Variants in MFSD12 observed in about 807,000 individuals in gnomAD.
MFSD12 encodes major facilitator superfamily domain containing 12.
A neutral mutation model predicts 51.2 loss-of-function variants in MFSD12; 67 were observed. The ratio of observed to expected loss-of-function variants is 1.31; its 90% confidence interval spans 1.08 to 1.60. The LOEUF (loss-of-function observed/expected upper bound fraction) is 1.60. MFSD12 is among the 40% of genes most tolerant of loss of function. The pLI, the probability that MFSD12 is intolerant of heterozygous loss-of-function variation, is 0.00. For synonymous variants in MFSD12, 441 were observed against 316.7 expected (o/e 1.39, Z -4.17); for missense variants, 921 against 673.0 (o/e 1.37, Z -4.08).
chr19:3,544,759 TAGAG>T, intron 9 of MFSD12, 27 bp from the exon 10 acceptor site: 4 of 1,601,088 alleles, frequency 2.5e-6, no homozygotes, highest in African/African-American at 1.4e-5. Context: ...GAAATGGCAT[TAGAG>T]AGTGTGGGTC....
intron 1 of MFSD12, among the ~76,000 whole-genome samples, chr19:3,553,535 G>A (rs1362754301): frequency 1.3e-5 from 2 of 151,238 alleles, no homozygotes; most frequent in Non-Finnish European, 1.5e-5. Context: ...TTGGGAGACC[G>A]AGGCGGGTGG....
intron 8 of MFSD12, among the ~76,000 whole-genome samples, chr19:3,545,775 C>G (rs76486725): frequency 0.021 from 3,256 of 152,322 alleles, 109 homozygotes; most frequent in South Asian, 0.11. Flanking sequence ...ATGTCTGAAC[C>G]CTGAGTTCTG....
downstream of MFSD12, chr19:3,544,115 G>C (rs1054969847): frequency 3.0e-5 from 43 of 1,419,002 alleles, no homozygotes; most frequent in Non-Finnish European, 3.7e-5. Flanking sequence ...CACTGGGCTC[G>C]CTGGCCGCCC....
chr19:3,542,551 G>A (rs2030502632), downstream of MFSD12: 2 of 854,432 alleles, frequency 2.3e-6, no homozygotes, highest in Non-Finnish European at 1.4e-6. Flanking sequence ...TCAGCTTACT[G>A]CAAACTCCAC....
intron 4 of MFSD12, 50 bp downstream of exon 4, chr19:3,547,798 T>C: frequency 6.9e-7 from 1 of 1,457,092 alleles, no homozygotes; most frequent in Middle Eastern, 2.3e-4. Flanking sequence ...GCAAAGGCCC[T>C]GTGGGTGGGA....
downstream of MFSD12, chr19:3,543,648 G>T (rs1370061033): frequency 6.5e-7 from 1 of 1,543,582 alleles, no homozygotes; most frequent in Admixed American, 2.0e-5. Flanking sequence ...AGCGCGCTGT[G>T]GAAAGACAGG....
At chr19:3,545,073 C>G (rs1233142945) in intron 8 of MFSD12, 134 bp from the exon 9 acceptor site, 2 of 1,169,708 alleles carry the variant, frequency 1.7e-6, no homozygotes, top group East Asian at 2.6e-5. Flanking sequence ...CCCTGCCACT[C>G]CCTCCCTCCT....
At chr19:3,540,289 A>T (rs8105403), downstream of MFSD12, among the ~76,000 whole-genome samples, 2 of 147,640 alleles carry the variant, frequency 1.4e-5, no homozygotes, top group Non-Finnish European at 1.5e-5. Flanking sequence ...ACGGAGTCTC[A>T]CTCTTGTCGC....
At chr19:3,554,027 A>G (rs1240068887) in intron 1 of MFSD12, among the ~76,000 whole-genome samples, 1 of 151,978 alleles carries the variant, frequency 6.6e-6, no homozygotes, top group Non-Finnish European at 1.5e-5. Context: ...GGTTGCAGTG[A>G]GCTGAGATCA....
At chr19:3,543,220 CCTGCCCA>C (rs1287540074), downstream of MFSD12, 3 of 1,539,472 alleles carry the variant, frequency 1.9e-6, no homozygotes, top group African/African-American at 4.1e-5. Flanking sequence ...GTCTCTGCCC[CCTGCCCA>C]CCCTCAGCGA....
chr19:3,549,723 C>CAA (rs5826823), intron 2 of MFSD12, among the ~76,000 whole-genome samples: 2,460 of 87,348 alleles, frequency 0.028, 191 homozygotes, highest in East Asian at 0.25. Context: ...ACTCTTGTCT[C>CAA]AAAAAAAAAA....
Position 3,557,106 on chromosome 19 carries a change from C to A in MFSD12, c.298G>T (p.Gly100Cys). The A allele has an allele frequency of 1.4e-6, 2 of 1,469,746 alleles. No individual in the cohort carries two copies. Among genetic ancestry groups the A allele is most frequent in the Non-Finnish European group, 1.8e-6 (2 of 1,116,012 alleles). 91.0% of individuals were successfully genotyped at this position (1,469,746 alleles called of 1,614,324 possible). Residue 100 changes from glycine (G) to cysteine (C), a missense_variant and splice_region_variant, in exon 1 of 10, where the codon GGC (glycine) becomes TGC (cysteine). By Grantham distance (159) the Gly-to-Cys change is radical. Coordinates refer to ENST00000355415, the MANE Select transcript of MFSD12 (RefSeq NM_174983.5). The part of the protein sequence containing the change: ...YGPRKAWHLV[G>C]TVCVLLSFPF... ...CAGGTGGCGGGGCCGGGACGCTTAC[C>A]GACCAGGTGCCAGGCCTTGCGCGGG...
chr19:3,545,630 G>A (rs17674491), intron 8 of MFSD12, among the ~76,000 whole-genome samples: 41,991 of 152,148 alleles, frequency 0.28, 8,016 homozygotes, highest in East Asian at 0.82. Context: ...CACCACCCAC[G>A]CCGGTACCAA....
chr19:3,539,331 GGT>G, downstream of MFSD12: 1 of 958,170 alleles, frequency 1.0e-6, no homozygotes, highest in Non-Finnish European at 1.6e-6. Flanking sequence ...CAGGTTACAT[GGT>G]GTTTGGTTTG....
downstream of MFSD12, chr19:3,541,634 C>G (rs2030426210): frequency 4.1e-6 from 4 of 984,870 alleles, no homozygotes; most frequent in South Asian, 1.9e-4. Flanking sequence ...GACCCTATTT[C>G]TATTTTTTAA....
intron 6 of MFSD12, among the ~76,000 whole-genome samples, chr19:3,546,665 T>C (rs2031085911): frequency 6.6e-6 from 1 of 152,144 alleles, no homozygotes; most frequent in African/African-American, 2.4e-5. Flanking sequence ...TGAGCGCAGG[T>C]CAGTTACAAC....
downstream of MFSD12, chr19:3,543,677 T>C (rs779213109): frequency 7.8e-6 from 12 of 1,536,066 alleles, no homozygotes; most frequent in South Asian, 9.8e-5. Context: ...GGGCAAGGAA[T>C]ACGGTGAGGC....
rs1001138191 is a variant in MFSD12 at position 3,544,429 on chromosome 19, A to G, written c.*281T>C. 1 of 1,325,486 alleles carries G rather than the reference A, an allele frequency of 7.5e-7. No individual in the cohort carries two copies. The highest frequency in any genetic ancestry group is 9.6e-7 in the Non-Finnish European group (1 of 1,039,690). 82.1% of individuals were successfully genotyped at this position (1,325,486 alleles called of 1,614,324 possible). A position where few individuals can be genotyped will look rare whatever the true frequency, so the allele number is the denominator to read the frequency against. ...TCCCCCAGACCCTTCTGGGATTCCT[A>G]CTTCCTGTTCCCTGCCGAGAGGGGC... On this transcript the variant is annotated 3_prime_UTR_variant, in exon 10 of 10. Coordinates refer to ENST00000355415, the MANE Select transcript of MFSD12 (RefSeq NM_174983.5).
In MFSD12 at chr19:3,544,874, C is replaced by T. The variant is rs1454571393; in HGVS notation, c.1355G>A (p.Gly452Asp). 16 of 1,611,330 alleles carry T rather than the reference C, an allele frequency of 9.9e-6. No individual in the cohort carries two copies. Among genetic ancestry groups the T allele is most frequent in the African/African-American group, 2.7e-5 (2 of 74,882 alleles). Residue 452 changes from glycine to aspartate, a missense_variant, in exon 9 of 10, where the codon GGC becomes GAC. Gly to Asp is a moderately conservative substitution (Grantham distance 94). Coordinates refer to ENST00000355415, the MANE Select transcript of MFSD12 (RefSeq NM_174983.5). ...ACACAGGGCAGCGGCCACGCCCACGCCGCCCGTCACAGCCACCATCGCCCA... is the reference window on the plus strand; with the variant it reads ...ACACAGGGCAGCGGCCACGCCCACGTCGCCCGTCACAGCCACCATCGCCCA... Reference protein sequence around the residue: ...YHWAMVAVTGGVGVAAALCLC... With the variant: ...YHWAMVAVTGDVGVAAALCLC...
Sources: gnomAD v4.1 joint callset for allele counts (sites outside exome capture counted in the v4.1 genomes callset) on GRCh38, gnomAD v4.1.1 for gene constraint, MANE v1.5 for transcripts, NCBI Gene and HGNC (gene_info 2026-07-23, HGNC 2026-07-21) for gene names.